ADAMTSL1: variants seen among roughly 807,000 people sequenced by gnomAD.
ADAMTSL1 encodes the protein ADAMTS like 1.
ADAMTSL1 carries 126 observed loss-of-function variants against 201.8 expected under a neutral mutation model. The observed-to-expected ratio is 0.62, with a 90% CI of 0.54 to 0.72. The LOEUF (loss-of-function observed/expected upper bound fraction) is 0.72, where lower values mean the gene tolerates loss of function less well. ADAMTSL1 is among the 30% of genes least tolerant of loss of function. The pLI, the probability that ADAMTSL1 is intolerant of heterozygous loss-of-function variation, is 0.00. For missense variants in ADAMTSL1, 2,679 were observed against 2,277.8 expected (o/e 1.18, Z -3.59); for synonymous variants, 1,121 against 903.4 (o/e 1.24, Z -4.32).
At chr9:18,410,245 AT>A (rs1818378972) in intron 2 of ADAMTSL1, among the ~76,000 whole-genome samples, 1 of 150,418 alleles carries the variant, frequency 6.6e-6, no homozygotes, top group African/African-American at 2.5e-5. Context: ...CATTTGCAGG[AT>A]GTGCAGGGTT....
chr9:18,620,072 G>C (rs551870110), intron 4 of ADAMTSL1, among the ~76,000 whole-genome samples: 3 of 113,196 alleles, frequency 2.7e-5, no homozygotes, highest in Non-Finnish European at 5.1e-5. Context: ...TCTCCAATTA[G>C]TTAGTATCCA....
chr9:18,861,729 C>T lies in ADAMTSL1; in HGVS notation c.4250-26102C>T, dbSNP rs571178009. ...ATTTATGGGTCCTTGAAAAACCATT[C>T]GCTCTTTGGGCTTGGCTGCCAAAGG... On this transcript the variant is annotated intron_variant, in intron 23 of 28. Transcript: ENST00000380548. Among the ~76,000 whole-genome samples, 5 of 152,248 alleles carry T rather than the reference C, an allele frequency of 3.3e-5. No homozygotes were observed. The South Asian group carries it at 6.2e-4, about 19-fold the overall frequency.
At chr9:18,807,373 G>A (rs1823203581) in intron 20 of ADAMTSL1, among the ~76,000 whole-genome samples, 2 of 152,064 alleles carry the variant, frequency 1.3e-5, no homozygotes, top group African/African-American at 4.8e-5. Context: ...GGCCGGGCGC[G>A]GTAGCTCACG....
At chr9:18,524,491 G>A (rs1261440529) in intron 2 of ADAMTSL1, among the ~76,000 whole-genome samples, 3 of 152,258 alleles carry the variant, frequency 2.0e-5, no homozygotes, top group East Asian at 3.9e-4. Context: ...AATAGGAGTG[G>A]TGAGAGAGGG....
At chr9:18,323,570 A>C (rs564483885) in intron 2 of ADAMTSL1, among the ~76,000 whole-genome samples, 1 of 152,172 alleles carries the variant, frequency 6.6e-6, no homozygotes, top group Non-Finnish European at 1.5e-5. Context: ...AAAGAAGCCA[A>C]ACTCTCTTTA....
At chr9:18,439,389 C>T (rs1235374508) in intron 2 of ADAMTSL1, among the ~76,000 whole-genome samples, 1 of 152,170 alleles carries the variant, frequency 6.6e-6, no homozygotes, top group Non-Finnish European at 1.5e-5. Context: ...TTGTTTTGGA[C>T]GGAGTCTGGC....
chr9:18,425,856 C>G (rs1188182261), intron 2 of ADAMTSL1, among the ~76,000 whole-genome samples: 1 of 25,442 alleles, frequency 3.9e-5, no homozygotes, highest in South Asian at 1.6e-3. Flanking sequence ...ATCCCTGTCT[C>G]AAGAAAAAAA....
At chr9:18,424,870 G>A (rs766325932) in intron 2 of ADAMTSL1, among the ~76,000 whole-genome samples, 1 of 152,072 alleles carries the variant, frequency 6.6e-6, no homozygotes, top group African/African-American at 2.4e-5. Flanking sequence ...TTTGAAATGT[G>A]GTTCATCGCA....
intron 2 of ADAMTSL1, among the ~76,000 whole-genome samples, chr9:18,260,681 A>C (rs1831884333): frequency 6.6e-6 from 1 of 151,424 alleles, no homozygotes. Flanking sequence ...GGAAGCCTGC[A>C]CTTTCTCTGT....
intron 2 of ADAMTSL1, among the ~76,000 whole-genome samples, chr9:18,175,357 A>G (rs1398944187): frequency 1.3e-5 from 2 of 152,204 alleles, no homozygotes; most frequent in African/African-American, 2.4e-5. Context: ...CTGCCCATCC[A>G]TTCTGCAGAC....
intron 2 of ADAMTSL1, among the ~76,000 whole-genome samples, chr9:18,287,667 A>ATG: frequency 6.6e-6 from 1 of 151,064 alleles, no homozygotes; most frequent in African/African-American, 2.4e-5. Flanking sequence ...ACATATATGT[A>ATG]TGTGTATACA....
chr9:18,275,282 T>C (rs1391957490), intron 2 of ADAMTSL1, among the ~76,000 whole-genome samples: 1 of 152,222 alleles, frequency 6.6e-6, no homozygotes, highest in Non-Finnish European at 1.5e-5. Context: ...ACTTTATAGC[T>C]ATTAATAAAA....
At chr9:18,073,870 G>C (rs1032529057) in intron 1 of ADAMTSL1, among the ~76,000 whole-genome samples, 6 of 152,250 alleles carry the variant, frequency 3.9e-5, no homozygotes, top group African/African-American at 1.4e-4. Context: ...TCTACTTGGG[G>C]AGTGGGACTT....
At chr9:18,097,761 A>G (rs1374602024) in intron 1 of ADAMTSL1, among the ~76,000 whole-genome samples, 2 of 152,090 alleles carry the variant, frequency 1.3e-5, no homozygotes, top group Non-Finnish European at 2.9e-5. Context: ...TTTTCATTTA[A>G]TTCTTATCTT....
At chr9:18,353,456 T>C (rs1300057522) in intron 2 of ADAMTSL1, among the ~76,000 whole-genome samples, 5 of 152,218 alleles carry the variant, frequency 3.3e-5, no homozygotes, top group Admixed American at 1.3e-4. Flanking sequence ...ATCCATAATA[T>C]TTATGGAGGC....
intron 2 of ADAMTSL1, among the ~76,000 whole-genome samples, chr9:18,519,840 T>G (rs1818578401): frequency 6.6e-6 from 1 of 152,228 alleles, no homozygotes; most frequent in South Asian, 2.1e-4. Context: ...GTTTCTGGCT[T>G]CGTTAGAAGC....
intron 4 of ADAMTSL1, among the ~76,000 whole-genome samples, chr9:18,604,673 G>T (rs1462263339): frequency 6.6e-6 from 1 of 152,128 alleles, no homozygotes; most frequent in Non-Finnish European, 1.5e-5. Context: ...GGACACTTGG[G>T]TTGTTTCCCC....
At chr9:18,906,641 G>A (rs1230367983) in intron 27 of ADAMTSL1, 51 bp from the exon 28 acceptor site, 4 of 1,438,714 alleles carry the variant, frequency 2.8e-6, no homozygotes, top group Non-Finnish European at 2.8e-6. Flanking sequence ...CATCTGCCCT[G>A]ATTCAGCCCC....
At chr9:18,720,722 G>T (rs1346940867) in intron 14 of ADAMTSL1, among the ~76,000 whole-genome samples, 2 of 152,188 alleles carry the variant, frequency 1.3e-5, no homozygotes, top group East Asian at 3.8e-4. Context: ...GGCAGAGGTT[G>T]CAGTGAGCTG....
Sources: allele counts gnomAD v4.1 joint callset (sites outside exome capture counted in the v4.1 genomes callset), GRCh38; gene constraint gnomAD v4.1.1; transcripts MANE v1.5; gene names NCBI Gene and HGNC (gene_info 2026-07-23, HGNC 2026-07-21).